ADAMTS6: variants seen among roughly 807,000 people sequenced by gnomAD.
ADAMTS6 encodes ADAM metallopeptidase with thrombospondin type 1 motif 6.
In ADAMTS6, 23 loss-of-function variants were observed where a neutral mutation model predicts 144.3. The ratio of observed to expected loss-of-function variants is 0.16; its 90% CI spans 0.11 to 0.23. The LOEUF (loss-of-function observed/expected upper bound fraction) is 0.23. ADAMTS6 is among the 10% of genes least tolerant of loss of function. ADAMTS6 has a pLI of 1.00. For missense variants in ADAMTS6, 999 were observed against 1,379.6 expected (o/e 0.72, Z 4.37); for synonymous variants, 444 against 457.5 (o/e 0.97, Z 0.38).
chr5:65,321,869 C>A (rs1745648247), intron 9 of ADAMTS6, among the ~76,000 whole-genome samples: 2 of 151,948 alleles, frequency 1.3e-5, no homozygotes, highest in South Asian at 4.2e-4. Flanking sequence ...GCATGTGCCA[C>A]CATGCCTGGC....
intron 24 of ADAMTS6, among the ~76,000 whole-genome samples, chr5:65,164,156 G>A (rs1032845405): frequency 7.9e-5 from 12 of 152,054 alleles, no homozygotes; most frequent in Middle Eastern, 3.4e-3. Context: ...GACAGTGGGC[G>A]CAGGCCAGTG....
At chr5:65,162,526 T>C (rs954999581) in intron 24 of ADAMTS6, among the ~76,000 whole-genome samples, 7 of 152,054 alleles carry the variant, frequency 4.6e-5, no homozygotes, top group African/African-American at 1.7e-4. Flanking sequence ...TCCTAATCTT[T>C]AAACTGGGCA....
chr5:65,314,344 G>A (rs546420018), intron 9 of ADAMTS6, among the ~76,000 whole-genome samples: 6 of 151,898 alleles, frequency 4.0e-5, no homozygotes, highest in East Asian at 1.9e-4. Context: ...ACACACATAC[G>A]CGCACACATC....
chr5:65,154,462 C>T lies in ADAMTS6; in HGVS notation c.3245-2517G>A, dbSNP rs115838281. On this transcript the variant is annotated intron_variant, in intron 24 of 24. Coordinates refer to ENST00000381055, the MANE Select transcript of ADAMTS6 (RefSeq NM_197941.4). ...GCAGGAAGTCCGTAGGTTCTGGGAA[C>T]AGGATCAAGCTTAGGGACGTTGGGA... 7.4e-3 allele frequency among the ~76,000 whole-genome samples: 1,124 copies of T among 152,280 alleles called. 5 individuals carry two copies. Among genetic ancestry groups the T allele is most frequent in the Middle Eastern group, 0.024 (7 of 294 alleles).
intron 15 of ADAMTS6, among the ~76,000 whole-genome samples, chr5:65,230,736 ATAACAC>A (rs1341166864): frequency 4.9e-5 from 5 of 102,814 alleles, no homozygotes; most frequent in African/African-American, 2.0e-4. Context: ...AAATATATAT[ATAACAC>A]ATATGTATGA....
chr5:65,278,440 C>A (rs1298116044), intron 11 of ADAMTS6, among the ~76,000 whole-genome samples: 1 of 152,134 alleles, frequency 6.6e-6, no homozygotes, highest in Non-Finnish European at 1.5e-5. Context: ...TTTACATGTC[C>A]ATCAGCAATG....
At chr5:65,302,156 ATATATATTTATATGATATTATACATATAT>A (rs1385966226) in intron 9 of ADAMTS6, among the ~76,000 whole-genome samples, 5 of 144,584 alleles carry the variant, frequency 3.5e-5, no homozygotes, top group East Asian at 2.0e-4. Flanking sequence ...TTTACATATA[ATATATATTTATATGATATTATACATATAT>A]TATATATTTA....
At chr5:65,351,172 T>G (rs984357448) in intron 7 of ADAMTS6, among the ~76,000 whole-genome samples, 1 of 152,222 alleles carries the variant, frequency 6.6e-6, no homozygotes, top group Non-Finnish European at 1.5e-5. Flanking sequence ...AATTTAACAT[T>G]GGAAATCTAA....
intron 7 of ADAMTS6, among the ~76,000 whole-genome samples, chr5:65,357,871 G>C (rs1749476604): frequency 6.6e-6 from 1 of 151,774 alleles, no homozygotes. Flanking sequence ...AAAAACTCCA[G>C]ACTAATGGCT....
intron 10 of ADAMTS6, among the ~76,000 whole-genome samples, chr5:65,298,958 T>G (rs558438610): frequency 2.0e-5 from 3 of 152,200 alleles, no homozygotes; most frequent in Middle Eastern, 6.8e-3. Context: ...TTTAAAATTT[T>G]ACAATATAAT....
At chr5:65,461,980 T>C (rs775288048) in intron 3 of ADAMTS6, among the ~76,000 whole-genome samples, 40 of 152,132 alleles carry the variant, frequency 2.6e-4, no homozygotes, top group Non-Finnish European at 5.1e-4. Context: ...ATTTATAGAT[T>C]AAATTGGCAG....
chr5:65,439,936 C>G (rs1757737289), intron 7 of ADAMTS6, among the ~76,000 whole-genome samples: 2 of 152,188 alleles, frequency 1.3e-5, no homozygotes, highest in South Asian at 4.1e-4. Context: ...TCCCAAGTAG[C>G]TGGGACTACA....
intron 9 of ADAMTS6, among the ~76,000 whole-genome samples, chr5:65,313,171 AC>A (rs2112849832): frequency 6.9e-6 from 1 of 145,344 alleles, no homozygotes; most frequent in South Asian, 2.1e-4. Flanking sequence ...ACACACACAC[AC>A]ACACACAGAG....
At chr5:65,476,755 C>G (rs908445468) in intron 1 of ADAMTS6, among the ~76,000 whole-genome samples, 1 of 151,964 alleles carries the variant, frequency 6.6e-6, no homozygotes, top group Non-Finnish European at 1.5e-5. Flanking sequence ...ATTACAGATG[C>G]GTGCCACCAT....
At position 65,333,960 on chromosome 5, in the gene ADAMTS6, T is replaced by C. The variant is rs534347426; in HGVS notation, c.1117+82A>G. The C allele has an allele frequency of 7.2e-5, 89 of 1,235,004 alleles. 2 individuals carry two copies. In the East Asian group the frequency reaches 2.8e-3, roughly 39 times the overall value. The allele number at this position is 1,235,004 out of a possible 1,614,324, so 76.5% of individuals were successfully genotyped here. On this transcript the variant is annotated intron_variant, in intron 8 of 24. Coordinates refer to ENST00000381055, the MANE Select transcript of ADAMTS6 (RefSeq NM_197941.4). ...AATTAATAATAAAGATTAAAGTCAT[T>C]GGTCCAAAAAGACAATCAGAACCAT...
At chr5:65,351,829 G>C (rs142307274) in intron 7 of ADAMTS6, among the ~76,000 whole-genome samples, 61 of 151,858 alleles carry the variant, frequency 4.0e-4, no homozygotes, top group Non-Finnish European at 6.9e-4. Flanking sequence ...AGAAGAAGAA[G>C]AAGGAAAAAA....
At chr5:65,265,310 G>A (rs75493197) in intron 12 of ADAMTS6, among the ~76,000 whole-genome samples, 4 of 152,050 alleles carry the variant, frequency 2.6e-5, no homozygotes, top group Non-Finnish European at 5.9e-5. Flanking sequence ...TGTGATCAGG[G>A]TTACTGATAA....
chr5:65,268,985 T>C (rs1404698357), intron 12 of ADAMTS6, among the ~76,000 whole-genome samples: 1 of 151,910 alleles, frequency 6.6e-6, no homozygotes, highest in African/African-American at 2.4e-5. Context: ...AGACAGTGTA[T>C]AGGTTCTTTC....
At chr5:65,386,453 G>T (rs1485476776) in intron 7 of ADAMTS6, among the ~76,000 whole-genome samples, 1 of 152,126 alleles carries the variant, frequency 6.6e-6, no homozygotes, top group Non-Finnish European at 1.5e-5. Flanking sequence ...TAGATCAAAG[G>T]TAAGTTTGAA....
Sources: gnomAD v4.1 joint callset for allele counts (sites outside exome capture counted in the v4.1 genomes callset) on GRCh38, gnomAD v4.1.1 for gene constraint, MANE v1.5 for transcripts, NCBI Gene and HGNC (gene_info 2026-07-23, HGNC 2026-07-21) for gene names.